CELF2: variants seen among roughly 807,000 people sequenced by gnomAD.
CELF2 encodes CUG triplet repeat RNA-binding protein 2.
CELF2 carries 8 observed loss-of-function variants against 62.6 expected under a neutral mutation model. That is an observed-to-expected ratio of 0.13 (90% CI 0.07 to 0.23). CELF2 has a LOEUF of 0.23. Among genes scored for constraint, CELF2 ranks in the 10% least tolerant of loss-of-function variants. CELF2 has a pLI of 1.00. For synonymous variants in CELF2, 258 were observed against 250.0 expected (o/e 1.03, Z -0.30); for missense variants, 333 against 671.0 (o/e 0.50, Z 5.56).
intron 9 of CELF2, among the ~76,000 whole-genome samples, chr10:11,312,603 T>C (rs1386194629): frequency 1.3e-5 from 2 of 152,204 alleles, no homozygotes; most frequent in African/African-American, 4.8e-5. Flanking sequence ...AGGAATACTA[T>C]GCATGACTTC....
intron 1 of CELF2, among the ~76,000 whole-genome samples, chr10:11,151,255 A>G (rs1193693269): frequency 6.6e-6 from 1 of 152,150 alleles, no homozygotes; most frequent in East Asian, 1.9e-4. Context: ...TATTCCCTGG[A>G]TTCAGCTTAC....
At chr10:10,890,555 T>C (rs57684871) in intron 1 of CELF2, among the ~76,000 whole-genome samples, 1 of 152,262 alleles carries the variant, frequency 6.6e-6, no homozygotes, top group Non-Finnish European at 1.5e-5. Flanking sequence ...GTTTAGGATT[T>C]GCTCATTTGT....
chr10:11,212,987 A>C (rs2062309674), intron 2 of CELF2, among the ~76,000 whole-genome samples: 1 of 152,174 alleles, frequency 6.6e-6, no homozygotes, highest in Non-Finnish European at 1.5e-5. Flanking sequence ...GAAGCAGCAG[A>C]AATTACCAGC....
chr10:10,573,162 T>G, the CELF2 span, among the ~76,000 whole-genome samples: 1 of 152,210 alleles, frequency 6.6e-6, no homozygotes, highest in Non-Finnish European at 1.5e-5. Flanking sequence ...TTGAGAAGTG[T>G]AGGTTCATGT....
chr10:10,888,412 A>C (rs1227408148), intron 1 of CELF2, among the ~76,000 whole-genome samples: 1 of 152,220 alleles, frequency 6.6e-6, no homozygotes, highest in African/African-American at 2.4e-5. Context: ...CCATAACTTT[A>C]ATCATAGCTA....
chr10:10,810,952 G>T (rs955112014), intron 1 of CELF2, among the ~76,000 whole-genome samples: 46 of 152,344 alleles, frequency 3.0e-4, no homozygotes, highest in African/African-American at 1.0e-3. Context: ...AGAAACACTT[G>T]CAACCCAGAA....
chr10:11,165,789 G>A lies in CELF2; in HGVS notation c.271+107G>A. On this transcript the variant is annotated intron_variant, in intron 2 of 12. Coordinates refer to ENST00000633077, the MANE Select transcript of CELF2 (RefSeq NM_001326342.2). The surrounding 1 kb of genome is among the most constrained non-coding windows in gnomAD (Gnocchi z 7.4). The stretch of plus-strand genomic sequence containing the variant: ...GGAGGAAGGGCGGGTAGGCAGGAGG[G>A]CTGGAAGCAGCCGGTGCTGGCGGCC... 1 of 1,066,170 alleles carries A rather than the reference G, an allele frequency of 9.4e-7. No homozygotes were observed. The highest frequency in any genetic ancestry group is 1.3e-6 in the Non-Finnish European group (1 of 758,836). The allele number at this position is 1,066,170 out of a possible 1,614,324, so 66.0% of individuals were successfully genotyped here.
intron 1 of CELF2, among the ~76,000 whole-genome samples, chr10:10,883,017 TC>T (rs2061530581): frequency 6.6e-6 from 1 of 152,190 alleles, no homozygotes; most frequent in African/African-American, 2.4e-5. Flanking sequence ...AAATGTCAGT[TC>T]CACACTTATT....
chr10:11,297,164 G>T lies in CELF2; in HGVS notation c.976+8612G>T, dbSNP rs1235077167. Among the ~76,000 whole-genome samples, 2 of 152,344 alleles carry T rather than the reference G, an allele frequency of 1.3e-5. No homozygotes were observed. Among genetic ancestry groups the T allele is most frequent in the Non-Finnish European group, 2.9e-5 (2 of 68,028 alleles). Reference sequence around the variant, plus strand: ...GGCCAGTGGAGCATTGCTCTCAGTTGTGAGGGGAGTTGAGGAGGAAGCTGT... The same window carrying T: ...GGCCAGTGGAGCATTGCTCTCAGTTTTGAGGGGAGTTGAGGAGGAAGCTGT... On this transcript the variant is annotated intron_variant, in intron 9 of 12. Coordinates refer to ENST00000633077, the MANE Select transcript of CELF2 (RefSeq NM_001326342.2). This position sits in a 1 kb window ranked among gnomAD's most constrained non-coding sequence, Gnocchi z 4.4.
intron 1 of CELF2, among the ~76,000 whole-genome samples, chr10:11,141,944 A>G (rs971834518): frequency 6.6e-6 from 1 of 152,238 alleles, no homozygotes; most frequent in Non-Finnish European, 1.5e-5. Flanking sequence ...TGTAGCTTAG[A>G]TGAAGTCATG....
the CELF2 span, among the ~76,000 whole-genome samples, chr10:10,712,178 A>T: frequency 1.2e-4 from 17 of 143,364 alleles, no homozygotes; most frequent in Non-Finnish European, 2.3e-4. Context: ...AAAAAACTGG[A>T]ATCTCTCAGA....
intron 1 of CELF2, among the ~76,000 whole-genome samples, chr10:11,057,948 T>C (rs1217217068): frequency 6.6e-6 from 1 of 152,176 alleles, no homozygotes; most frequent in African/African-American, 2.4e-5. Flanking sequence ...AAATGGAAGC[T>C]TTTTCTTCTT....
chr10:10,755,129 C>A, the CELF2 span, among the ~76,000 whole-genome samples: 1 of 152,080 alleles, frequency 6.6e-6, no homozygotes, highest in African/African-American at 2.4e-5. Flanking sequence ...TGGCAAAATG[C>A]AGGTTTGTAA....
chr10:11,216,570 A>G (rs2063412489), intron 2 of CELF2, among the ~76,000 whole-genome samples: 1 of 152,216 alleles, frequency 6.6e-6, no homozygotes, highest in Admixed American at 6.5e-5. Flanking sequence ...AATAGCCAAT[A>G]TCTTTATCTA....
chr10:10,909,969 T>G (rs928060712), intron 1 of CELF2, among the ~76,000 whole-genome samples: 2 of 151,664 alleles, frequency 1.3e-5, no homozygotes, highest in African/African-American at 4.9e-5. Flanking sequence ...GCTAATGAAT[T>G]CAATACCAAT....
chr10:10,639,292 A>G, the CELF2 span, among the ~76,000 whole-genome samples: 122 of 152,312 alleles, frequency 8.0e-4, no homozygotes, highest in African/African-American at 2.9e-3. Context: ...ATTATGACAA[A>G]AGAAATTATT....
chr10:11,081,470 C>T (rs2762552), intron 1 of CELF2, among the ~76,000 whole-genome samples: 101,007 of 151,906 alleles, frequency 0.66, 34,915 homozygotes, highest in African/African-American at 0.86. Context: ...AGAGCATTCA[C>T]GTTCCCAATA....
At chr10:10,695,984 T>C in the CELF2 span, among the ~76,000 whole-genome samples, 3 of 151,980 alleles carry the variant, frequency 2.0e-5, no homozygotes, top group South Asian at 6.2e-4. Flanking sequence ...AATTTGATCA[T>C]CTGAAGCCTT....
chr10:11,028,915 T>TA (rs1269959067), intron 1 of CELF2, among the ~76,000 whole-genome samples: 3 of 152,136 alleles, frequency 2.0e-5, no homozygotes, highest in African/African-American at 7.2e-5. Flanking sequence ...GGTTTCACCA[T>TA]ATTGGCCAGG....
Sources: allele counts gnomAD v4.1 joint callset (sites outside exome capture counted in the v4.1 genomes callset), GRCh38; gene constraint gnomAD v4.1.1; non-coding constraint Gnocchi (gnomAD v3.1); transcripts MANE v1.5; gene names NCBI Gene and HGNC (gene_info 2026-07-23, HGNC 2026-07-21).